GPC6: variants seen among roughly 807,000 people sequenced by gnomAD.
GPC6 encodes the protein glypican 6.
GPC6 carries 14 observed loss-of-function variants against 55.2 expected under a neutral mutation model. The ratio of observed to expected loss-of-function variants is 0.25; its 90% CI spans 0.17 to 0.40. The LOEUF (loss-of-function observed/expected upper bound fraction) is 0.40, where lower values mean the gene tolerates loss of function less well. GPC6 is among the 10% of genes least tolerant of loss of function. The pLI, the probability that GPC6 is intolerant of heterozygous loss-of-function variation, is 1.00. For synonymous variants in GPC6, 278 were observed against 259.6 expected, an observed-to-expected ratio of 1.07 and a Z score of -0.68; for missense variants, 641 against 708.5, an observed-to-expected ratio of 0.90 and a Z score of 1.08.
intron 2 of GPC6, among the ~76,000 whole-genome samples, chr13:93,589,998 C>A (rs1877389238): frequency 6.6e-6 from 1 of 152,292 alleles, no homozygotes; most frequent in East Asian, 1.9e-4. Context: ...CTGGTAACTG[C>A]TCAGACTGTA....
chr13:93,420,763 G>C (rs1876893174), intron 1 of GPC6, among the ~76,000 whole-genome samples: 1 of 152,152 alleles, frequency 6.6e-6, no homozygotes, highest in African/African-American at 2.4e-5. Flanking sequence ...ATTCACTGGA[G>C]TCCCACCATA....
At chr13:93,219,794 T>C in the GPC6 span, among the ~76,000 whole-genome samples, 1 of 152,186 alleles carries the variant, frequency 6.6e-6, no homozygotes, top group African/African-American at 2.4e-5. Flanking sequence ...TATTAGTATC[T>C]TAAAATTTCT....
At chr13:94,315,350 G>A (rs1347605869) in intron 6 of GPC6, among the ~76,000 whole-genome samples, 2 of 152,208 alleles carry the variant, frequency 1.3e-5, no homozygotes, top group Non-Finnish European at 2.9e-5. Context: ...TATGTGCCAA[G>A]TGTTCATTAT....
chr13:93,521,011 T>C (rs143452910), intron 1 of GPC6, among the ~76,000 whole-genome samples: 4 of 152,096 alleles, frequency 2.6e-5, no homozygotes, highest in African/African-American at 9.6e-5. Flanking sequence ...ATAAGAACTT[T>C]AGTAATCTAA....
At chr13:93,908,396 GA>G (rs1257313473) in intron 3 of GPC6, among the ~76,000 whole-genome samples, 1 of 152,190 alleles carries the variant, frequency 6.6e-6, no homozygotes, top group Non-Finnish European at 1.5e-5. Context: ...CTGTATTTTG[GA>G]AATGACAGGT....
chr13:93,670,341 G>C lies in GPC6; in HGVS notation c.319+124920G>C, dbSNP rs185035668. Among the ~76,000 whole-genome samples, 14 of 152,270 alleles carry C rather than the reference G, an allele frequency of 9.2e-5. No homozygotes were observed. In the East Asian group the frequency reaches 2.5e-3, roughly 27 times the overall value. Reference sequence around the variant, plus strand: ...GAAGATGACTGCCATGTCTTAGTTAGCTTGGCACAGGTTCTTGAAGATAAT... The same window carrying C: ...GAAGATGACTGCCATGTCTTAGTTACCTTGGCACAGGTTCTTGAAGATAAT... On this transcript the variant is annotated intron_variant, in intron 2 of 8. Transcript: ENST00000377047.
chr13:93,689,773 G>C (rs1470395124), intron 2 of GPC6, among the ~76,000 whole-genome samples: 1 of 152,022 alleles, frequency 6.6e-6, no homozygotes, highest in Non-Finnish European at 1.5e-5. Context: ...TGTTGCCTAT[G>C]TGCCTTTTAT....
intron 1 of GPC6, among the ~76,000 whole-genome samples, chr13:93,391,251 A>G (rs1875622694): frequency 6.6e-6 from 1 of 152,180 alleles, no homozygotes; most frequent in Non-Finnish European, 1.5e-5. Flanking sequence ...TACAAGTCTA[A>G]TAACTATCTT....
chr13:93,622,714 G>T (rs1212384390), intron 2 of GPC6, among the ~76,000 whole-genome samples: 2 of 151,850 alleles, frequency 1.3e-5, no homozygotes, highest in African/African-American at 4.8e-5. Flanking sequence ...ATCTAATCAG[G>T]GTAATTACAT....
intron 2 of GPC6, among the ~76,000 whole-genome samples, chr13:93,814,993 A>T (rs1027816451): frequency 3.3e-5 from 5 of 152,144 alleles, no homozygotes; most frequent in Admixed American, 3.3e-4. Context: ...AAACCAAAAA[A>T]CAAAAGACTG....
intron 3 of GPC6, among the ~76,000 whole-genome samples, chr13:93,918,144 A>G (rs928188): frequency 0.86 from 131,043 of 151,938 alleles, 56,692 homozygotes; most frequent in African/African-American, 0.93. Flanking sequence ...GGAGATCGAC[A>G]AGATGACTTT....
At chr13:93,405,153 C>T (rs1446499176) in intron 1 of GPC6, among the ~76,000 whole-genome samples, 33 of 152,122 alleles carry the variant, frequency 2.2e-4, no homozygotes, top group Non-Finnish European at 1.8e-4. Flanking sequence ...TGCTATCATT[C>T]TTATGATGTC....
chr13:93,297,500 G>A (rs531607429), intron 1 of GPC6, among the ~76,000 whole-genome samples: 71 of 152,202 alleles, frequency 4.7e-4, no homozygotes, highest in Middle Eastern at 6.8e-3. Flanking sequence ...GTGTGTTAGC[G>A]TGCACCTGTG....
chr13:94,070,626 A>C (rs1884695693), intron 4 of GPC6, among the ~76,000 whole-genome samples: 1 of 152,216 alleles, frequency 6.6e-6, no homozygotes, highest in African/African-American at 2.4e-5. Flanking sequence ...TCAGTGTTGA[A>C]TACTTAAAGT....
At chr13:93,575,162 T>G (rs955373228) in intron 2 of GPC6, among the ~76,000 whole-genome samples, 21 of 151,988 alleles carry the variant, frequency 1.4e-4, no homozygotes, top group Admixed American at 8.5e-4. Context: ...GGTGTGATGG[T>G]GCATGCCTGT....
intron 4 of GPC6, among the ~76,000 whole-genome samples, chr13:94,131,338 A>T (rs1886994272): frequency 6.6e-6 from 1 of 152,156 alleles, no homozygotes; most frequent in Non-Finnish European, 1.5e-5. Flanking sequence ...AAATAAAATA[A>T]ATATTTTCAT....
chr13:93,816,952 C>T (rs1348864742), intron 2 of GPC6, among the ~76,000 whole-genome samples: 1 of 152,100 alleles, frequency 6.6e-6, no homozygotes, highest in East Asian at 1.9e-4. Flanking sequence ...AGGTACCTTC[C>T]CATTAATAGA....
At chr13:94,047,286 C>T (rs1289031448) in intron 4 of GPC6, among the ~76,000 whole-genome samples, 2 of 152,038 alleles carry the variant, frequency 1.3e-5, no homozygotes, top group Non-Finnish European at 1.5e-5. Context: ...GCTGCTCTTT[C>T]CAATGCTCTG....
At chr13:94,304,146 C>T (rs1204505691) in intron 5 of GPC6, among the ~76,000 whole-genome samples, 1 of 152,238 alleles carries the variant, frequency 6.6e-6, no homozygotes, top group East Asian at 1.9e-4. Flanking sequence ...GGCCCACTAT[C>T]TTTATCACAT....
Sources: gnomAD v4.1 joint callset for allele counts (sites outside exome capture counted in the v4.1 genomes callset) on GRCh38, gnomAD v4.1.1 for gene constraint, MANE v1.5 for transcripts, NCBI Gene and HGNC (gene_info 2026-07-23, HGNC 2026-07-21) for gene names.